Variants in ASH1L observed in about 807,000 individuals in gnomAD.
ASH1L encodes the protein histone-lysine N-methyltransferase ASH1L.
Under a neutral mutation model 269.0 loss-of-function variants are expected in ASH1L, and 23 were observed. That is an observed-to-expected ratio of 0.09 (90% CI 0.06 to 0.12). The LOEUF (loss-of-function observed/expected upper bound fraction) is 0.12, where lower values mean the gene tolerates loss of function less well. Among genes scored for constraint, ASH1L ranks in the 10% least tolerant of loss-of-function variants. ASH1L has a pLI of 1.00. For missense variants in ASH1L, 2,912 were observed against 3,567.8 expected, an observed-to-expected ratio of 0.82 and a Z score of 4.68; for synonymous variants, 1,187 against 1,253.5, an observed-to-expected ratio of 0.95 and a Z score of 1.12.
At chr1:155,513,081 T>C (rs1201346118) in intron 2 of ASH1L, among the ~76,000 whole-genome samples, 6 of 151,800 alleles carry the variant, frequency 4.0e-5, no homozygotes, top group Admixed American at 6.6e-5. Flanking sequence ...ACTATAGATA[T>C]ATAATAATAA....
chr1:155,492,575 A>C (rs1666881239), intron 2 of ASH1L, among the ~76,000 whole-genome samples: 1 of 152,096 alleles, frequency 6.6e-6, no homozygotes, highest in Non-Finnish European at 1.5e-5. Flanking sequence ...TTGATTATTT[A>C]TAATTAATGT....
intron 2 of ASH1L, among the ~76,000 whole-genome samples, chr1:155,509,070 AT>A (rs575445751): frequency 1.1e-4 from 16 of 152,194 alleles, no homozygotes; most frequent in Non-Finnish European, 2.1e-4. Context: ...GAAAAAAAAA[AT>A]TATTTTCACT....
intron 7 of ASH1L, among the ~76,000 whole-genome samples, chr1:155,392,210 T>G (rs1657988232): frequency 6.6e-6 from 1 of 152,162 alleles, no homozygotes; most frequent in Non-Finnish European, 1.5e-5. Flanking sequence ...ATTTGCAGTT[T>G]CCCCTATTAG....
intron 16 of ASH1L, among the ~76,000 whole-genome samples, chr1:155,353,860 A>G (rs544454444): frequency 1.3e-5 from 2 of 152,300 alleles, no homozygotes; most frequent in Admixed American, 6.5e-5. Context: ...TGGATTTGGT[A>G]TCACTATTTA....
intron 2 of ASH1L, among the ~76,000 whole-genome samples, chr1:155,495,310 T>C (rs1183406750): frequency 6.6e-6 from 1 of 152,200 alleles, no homozygotes; most frequent in Non-Finnish European, 1.5e-5. Context: ...ATGATCATAG[T>C]GTGTAATTAC....
chr1:155,517,818 T>C (rs1410885472), intron 2 of ASH1L, among the ~76,000 whole-genome samples: 1 of 136,812 alleles, frequency 7.3e-6, no homozygotes, highest in East Asian at 2.2e-4. Flanking sequence ...TTTTTTTTTT[T>C]GAGACGGAGT....
At chr1:155,548,928 C>A (rs540126757) in intron 1 of ASH1L, among the ~76,000 whole-genome samples, 16 of 152,174 alleles carry the variant, frequency 1.1e-4, no homozygotes, top group Non-Finnish European at 2.1e-4. Flanking sequence ...CCCTTTGTAT[C>A]CATGGGTTTC....
rs1162747074 is a variant in ASH1L at position 155,347,709 on chromosome 1, T to C, written c.7750A>G (p.Ile2584Val). The part of the protein sequence containing the change: ...HEKDDDVIRC[I>V]CGLYKDEGLM... The stretch of plus-strand genomic sequence containing the variant: ...CCTTCATCCTTGTAGAGGCCACAGA[T>C]ACAGCGAATAACATCGTCGTCCTTC... Residue 2584 changes from isoleucine (I) to valine (V), a missense_variant, in exon 20 of 28, where the codon ATC (isoleucine) becomes GTC (valine). By Grantham distance (29) the Ile-to-Val change is conservative. This residue lies in a region of ASH1L where 309 missense variants were observed against 435.1 expected (regional missense o/e 0.71). Coordinates refer to ENST00000392403, the MANE Select transcript of ASH1L (RefSeq NM_018489.3). 8.7e-6 allele frequency: 14 copies of C among 1,614,096 alleles called. No individual in the cohort carries two copies. The highest frequency in any genetic ancestry group is 8.5e-6 in the Non-Finnish European group (10 of 1,180,050).
chr1:155,384,986 A>G, intron 7 of ASH1L, among the ~76,000 whole-genome samples: 1 of 151,788 alleles, frequency 6.6e-6, no homozygotes, highest in East Asian at 1.9e-4. Context: ...ACGCTGAGTA[A>G]TATGTATTAT....
At chr1:155,416,483 C>G (rs1292447896) in intron 5 of ASH1L, among the ~76,000 whole-genome samples, 1 of 152,004 alleles carries the variant, frequency 6.6e-6, no homozygotes, top group East Asian at 1.9e-4. Flanking sequence ...ACTGTTATCC[C>G]TGAGAAATCT....
chr1:155,531,642 T>TC (rs941885574), intron 1 of ASH1L, among the ~76,000 whole-genome samples: 19 of 151,340 alleles, frequency 1.3e-4, no homozygotes, highest in Admixed American at 7.9e-4. Flanking sequence ...AACATTTATT[T>TC]CCCCCCCTAA....
rs139503226 is a variant in ASH1L, at chr1:155,480,513, G to A, written c.2357C>T (p.Thr786Ile). 7 of 1,614,014 alleles carry A rather than the reference G, an allele frequency of 4.3e-6. No homozygotes were observed. The African/African-American group carries it at 8.0e-5, about 18-fold the overall frequency. The change falls in exon 3 of 28, where the codon ACA (threonine) becomes ATA (isoleucine). Residue 786 changes from threonine to isoleucine, a missense_variant. This residue lies in a region of ASH1L where 715 missense variants were observed against 721.0 expected (regional missense o/e 0.99). Coordinates refer to ENST00000392403, the MANE Select transcript of ASH1L (RefSeq NM_018489.3). ...KRRLPKLSKS[T>I]APSLALLADS... ...AGCTAAGAGAGCAAGAGATGGAGCT[G>A]TGGATTTGCTCAACTTTGGCAATCG...
At chr1:155,562,864 C>T (rs1355934695), upstream of ASH1L, 2 of 469,620 alleles carry the variant, frequency 4.3e-6, no homozygotes, top group Admixed American at 2.4e-5. Flanking sequence ...CCCACGGCCA[C>T]CAACCGCCGC....
intron 10 of ASH1L, among the ~76,000 whole-genome samples, chr1:155,371,848 C>T (rs1655979727): frequency 6.6e-6 from 1 of 151,470 alleles, no homozygotes; most frequent in African/African-American, 2.4e-5. Context: ...TGTGTGTCAC[C>T]ACACCCGGCT....
At position 155,480,015 on chromosome 1, in the gene ASH1L, T is replaced by C. The variant is rs926766251; in HGVS notation, c.2855A>G (p.His952Arg). 8 of 1,614,000 alleles carry C rather than the reference T, an allele frequency of 5.0e-6. No homozygotes were observed. The African/African-American group carries it at 6.7e-5, about 13-fold the overall frequency. ...LQDPDDLDDSHRPSVCSMSDL... is the reference protein window; with the variant it reads ...LQDPDDLDDSRRPSVCSMSDL... The stretch of plus-strand genomic sequence containing the variant: ...ACTCATACTACAGACACTTGGCCTA[T>C]GACTGTCATCTAGGTCATCTGGATC... The change falls in exon 3 of 28, where the codon CAT becomes CGT. Residue 952 changes from histidine to arginine, a missense_variant. Coordinates refer to ENST00000392403, the MANE Select transcript of ASH1L (RefSeq NM_018489.3).
chr1:155,461,194 C>T (rs536655050), intron 3 of ASH1L, among the ~76,000 whole-genome samples: 2 of 152,284 alleles, frequency 1.3e-5, no homozygotes, highest in African/African-American at 4.8e-5. Flanking sequence ...TCTAAGAAAA[C>T]TTAGGGTCAG....
At chr1:155,419,490 T>C (rs1448947503) in intron 5 of ASH1L, 1 of 152,152 alleles carries the variant, frequency 6.6e-6, no homozygotes, top group Non-Finnish European at 1.5e-5. Flanking sequence ...TGTGAAGTGT[T>C]CCATATTTTT....
chr1:155,536,012 A>G (rs1670032592), intron 1 of ASH1L, among the ~76,000 whole-genome samples: 3 of 152,094 alleles, frequency 2.0e-5, no homozygotes, highest in Non-Finnish European at 4.4e-5. Context: ...AAAAAAAAAA[A>G]AAAGAAAAAA....
chr1:155,449,197 G>C (rs918272095), intron 4 of ASH1L, among the ~76,000 whole-genome samples: 3 of 152,124 alleles, frequency 2.0e-5, no homozygotes, highest in Admixed American at 6.5e-5. Flanking sequence ...GCCTCCCAAA[G>C]TGCTGGGATT....
Sources: allele counts gnomAD v4.1 joint callset (sites outside exome capture counted in the v4.1 genomes callset), GRCh38; gene constraint gnomAD v4.1.1; regional missense constraint gnomAD v4.1.1; transcripts MANE v1.5; gene names NCBI Gene and HGNC (gene_info 2026-07-23, HGNC 2026-07-21).